The following LYPD6B variants were observed in gnomAD, a reference collection of about 807,000 sequenced individuals.
The protein encoded by LYPD6B is ly6/PLAUR domain-containing protein 6B.
In LYPD6B, 17 loss-of-function variants were observed where a neutral mutation model predicts 22.8. The ratio of observed to expected loss-of-function variants is 0.75; its 90% CI spans 0.51 to 1.12. The LOEUF is 1.12. LYPD6B is among the 50% of genes most tolerant of loss of function. The pLI is 0.00. For missense variants in LYPD6B, 221 were observed against 258.3 expected (o/e 0.86, Z 0.99); for synonymous variants, 106 against 91.6 (o/e 1.16, Z -0.90).
intron 3 of LYPD6B, among the ~76,000 whole-genome samples, chr2:149,178,539 A>C (rs1032386275): frequency 6.6e-6 from 1 of 152,200 alleles, no homozygotes; most frequent in Non-Finnish European, 1.5e-5. Flanking sequence ...TTCACAGAGC[A>C]GAGCCTGTCA....
chr2:149,132,831 T>C (rs1464806390), intron 2 of LYPD6B, among the ~76,000 whole-genome samples: 2 of 152,194 alleles, frequency 1.3e-5, no homozygotes, highest in Non-Finnish European at 2.9e-5. Context: ...ACTTAGATTG[T>C]TTCAAAGTCT....
At chr2:149,132,114 C>T (rs1402947727) in intron 2 of LYPD6B, among the ~76,000 whole-genome samples, 4 of 151,740 alleles carry the variant, frequency 2.6e-5, no homozygotes, top group Non-Finnish European at 5.9e-5. Flanking sequence ...GGGCTGGTTG[C>T]ATAGAATCAA....
chr2:149,206,960 G>A (rs1385493398), intron 4 of LYPD6B, among the ~76,000 whole-genome samples: 1 of 152,076 alleles, frequency 6.6e-6, no homozygotes, highest in Admixed American at 6.5e-5. Context: ...CAAACTAAAT[G>A]TTAAATAATT....
chr2:149,144,872 T>G (rs1370611390), intron 2 of LYPD6B, among the ~76,000 whole-genome samples: 2 of 152,158 alleles, frequency 1.3e-5, no homozygotes, highest in East Asian at 1.9e-4. Flanking sequence ...CTTCCACCCC[T>G]GATTTGTATT....
At chr2:149,188,698 G>A (rs1275327539) in intron 3 of LYPD6B, 25 of 982,572 alleles carry the variant, frequency 2.5e-5, no homozygotes, top group East Asian at 1.1e-4. Context: ...GATATATTCC[G>A]TAACGTCTCA....
rs539774517 is a variant in LYPD6B, at chr2:149,159,958, G to A, written c.6-806G>A. On this transcript the variant is annotated intron_variant, in intron 2 of 6. Transcript: ENST00000409642. ...ATGGACTGATGTCTGACCAAACAGC[G>A]GGCCACCATAGCCTAGCCAAGTTGA... Among the ~76,000 whole-genome samples, 6 of 152,082 alleles carry A rather than the reference G, an allele frequency of 3.9e-5. No homozygotes were observed. The East Asian group carries it at 5.8e-4, about 15-fold the overall frequency.
intron 3 of LYPD6B, chr2:149,204,505 T>G (rs1394483694): frequency 6.5e-6 from 1 of 154,466 alleles, no homozygotes; most frequent in East Asian, 1.9e-4. Context: ...GATTTTCCCC[T>G]GCCTACTTGA....
intron 1 of LYPD6B, among the ~76,000 whole-genome samples, chr2:149,105,433 A>G (rs1477944611): frequency 6.6e-6 from 1 of 152,224 alleles, no homozygotes; most frequent in African/African-American, 2.4e-5. Flanking sequence ...TGTGTCTTCC[A>G]ATCCATGAAC....
chr2:149,197,167 G>A (rs56073405), intron 3 of LYPD6B, among the ~76,000 whole-genome samples: 19 of 152,214 alleles, frequency 1.2e-4, no homozygotes, highest in African/African-American at 3.9e-4. Context: ...ATACCTGATA[G>A]CAGAAGGGTC....
chr2:149,156,517 CA>C (rs1689711662), intron 2 of LYPD6B, among the ~76,000 whole-genome samples: 2 of 152,130 alleles, frequency 1.3e-5, no homozygotes, highest in South Asian at 4.1e-4. Flanking sequence ...GCTGGAAGTT[CA>C]AAATCAAGGT....
intron 3 of LYPD6B, among the ~76,000 whole-genome samples, chr2:149,203,157 A>G (rs1693281102): frequency 6.6e-6 from 1 of 152,212 alleles, no homozygotes; most frequent in Non-Finnish European, 1.5e-5. Flanking sequence ...CTATGAGGTA[A>G]GTACTATCCT....
rs912898445 is a variant in LYPD6B at position 149,104,733 on chromosome 2, A to G, written c.-66-26150A>G. On this transcript the variant is annotated intron_variant, in intron 1 of 6. Coordinates refer to ENST00000409642, the MANE Select transcript of LYPD6B (RefSeq NM_177964.5). ...AATTAAATATTGATGAAATTTATCA[A>G]AATTTTTACTGGATCTTGCTTTTAG... 2.4e-4 allele frequency among the ~76,000 whole-genome samples: 37 copies of G among 152,184 alleles called. 1 individual carries two copies. The highest frequency in any genetic ancestry group is 2.4e-3 in the Admixed American group (36 of 15,268).
chr2:149,063,829 C>G (rs942513994), intron 1 of LYPD6B, among the ~76,000 whole-genome samples: 1 of 151,818 alleles, frequency 6.6e-6, no homozygotes. Context: ...GGCTTTAAAG[C>G]AAAAGAAGCA....
At chr2:149,210,758 A>G (rs1038607144) in intron 5 of LYPD6B, among the ~76,000 whole-genome samples, 6 of 152,278 alleles carry the variant, frequency 3.9e-5, no homozygotes, top group East Asian at 1.9e-4. Flanking sequence ...TGCAGCCACC[A>G]GTTTTCGATT....
chr2:149,090,968 G>C (rs2105439860), intron 1 of LYPD6B, among the ~76,000 whole-genome samples: 1 of 152,102 alleles, frequency 6.6e-6, no homozygotes, highest in African/African-American at 2.4e-5. Context: ...AATTTGTTCT[G>C]GTCCATTCAA....
intron 2 of LYPD6B, among the ~76,000 whole-genome samples, chr2:149,152,608 G>A (rs1559035819): frequency 1.3e-5 from 2 of 152,186 alleles, no homozygotes; most frequent in Non-Finnish European, 2.9e-5. Flanking sequence ...CTTAGAAAGG[G>A]ATAAAGATTT....
intron 3 of LYPD6B, among the ~76,000 whole-genome samples, chr2:149,179,147 T>C (rs530174333): frequency 1.1e-4 from 16 of 152,282 alleles, no homozygotes; most frequent in African/African-American, 3.8e-4. Flanking sequence ...GAAGTGCTAG[T>C]CCTTCAGGAG....
chr2:149,121,378 A>G (rs1687345682), intron 1 of LYPD6B, among the ~76,000 whole-genome samples: 1 of 151,992 alleles, frequency 6.6e-6, no homozygotes. Flanking sequence ...TGCTTTTTCT[A>G]CTTTTTTATG....
intron 2 of LYPD6B, among the ~76,000 whole-genome samples, chr2:149,143,047 A>G (rs889140002): frequency 1.3e-5 from 2 of 152,206 alleles, no homozygotes; most frequent in Non-Finnish European, 2.9e-5. Flanking sequence ...CATTTTTTAC[A>G]ATTAATGAGG....
Sources: allele counts gnomAD v4.1 joint callset (sites outside exome capture counted in the v4.1 genomes callset), GRCh38; gene constraint gnomAD v4.1.1; transcripts MANE v1.5; gene names NCBI Gene and HGNC (gene_info 2026-07-23, HGNC 2026-07-21).